The following ATP13A5 variants were observed in gnomAD, a reference collection of about 807,000 sequenced individuals.
ATP13A5 encodes probable cation-transporting ATPase 13A5.
A neutral mutation model predicts 150.2 loss-of-function variants in ATP13A5; 149 were observed. The observed-to-expected ratio is 0.99, with a 90% confidence interval of 0.87 to 1.14. The LOEUF is 1.14. ATP13A5 is among the 50% of genes most tolerant of loss of function. The probability of loss-of-function intolerance (pLI) is 0.00; values close to 1 mark genes in which losing one functional copy is unlikely to be tolerated. For synonymous variants in ATP13A5, 497 were observed against 522.2 expected (o/e 0.95, Z 0.66); for missense variants, 1,383 against 1,449.3 (o/e 0.95, Z 0.74).
intron 25 of ATP13A5, among the ~76,000 whole-genome samples, chr3:193,295,442 T>G (rs1467219959): frequency 1.3e-5 from 2 of 152,138 alleles, no homozygotes; most frequent in Non-Finnish European, 2.9e-5. Context: ...AGCCATCTCT[T>G]CTTCCTCTGG....
chr3:193,307,455 T>G (rs1718662630), intron 21 of ATP13A5, 86 bp from the exon 22 acceptor site: 2 of 1,512,114 alleles, frequency 1.3e-6, no homozygotes, highest in Admixed American at 1.8e-5. Flanking sequence ...AAGTCACATG[T>G]GATTTGTGTG....
rs1186191583 is a variant in ATP13A5, at chr3:193,305,636, T to A, written c.2601A>T (p.Leu867Phe). 1 of 1,613,964 alleles carries A rather than the reference T, an allele frequency of 6.2e-7. No homozygotes were observed. Among genetic ancestry groups the A allele is most frequent in the Non-Finnish European group, 8.5e-7 (1 of 1,179,894 alleles). Reference sequence around the variant, plus strand: ...ATGCCACAGATGCTTCCTGCTCTGATAATGAAATGCCTGCATGAGCCGCTT... The same window carrying A: ...ATGCCACAGATGCTTCCTGCTCTGAAAATGAAATGCCTGCATGAGCCGCTT... ...ALKAAHAGIS[L>F]SEQEASVASP... Residue 867 changes from leucine to phenylalanine, a missense_variant, in exon 23 of 30, where the codon TTA becomes TTT. Coordinates refer to ENST00000342358, the MANE Select transcript of ATP13A5 (RefSeq NM_198505.4).
At chr3:193,276,488 G>T (rs774730791) in intron 29 of ATP13A5, among the ~76,000 whole-genome samples, 1 of 152,156 alleles carries the variant, frequency 6.6e-6, no homozygotes, top group Non-Finnish European at 1.5e-5. Flanking sequence ...GCAATACAGT[G>T]CATTCATGGA....
At chr3:193,299,014 A>AT in intron 25 of ATP13A5, 117 bp downstream of exon 25, 1 of 759,458 alleles carries the variant, frequency 1.3e-6, no homozygotes, top group Non-Finnish European at 2.1e-6. Flanking sequence ...AAAATTGTAA[A>AT]TAATGAGGTT....
chr3:193,299,444 C>T (rs1718314074), intron 24 of ATP13A5, among the ~76,000 whole-genome samples: 1 of 152,154 alleles, frequency 6.6e-6, no homozygotes, highest in Non-Finnish European at 1.5e-5. Flanking sequence ...GAGAACCACC[C>T]TCCTATTGGG....
intron 20 of ATP13A5, among the ~76,000 whole-genome samples, 196 bp downstream of exon 20, chr3:193,311,620 G>A (rs1409509354): frequency 1.3e-5 from 2 of 152,128 alleles, no homozygotes; most frequent in Non-Finnish European, 2.9e-5. Flanking sequence ...ACTCTGAACG[G>A]GAGGCCGTGG....
At chr3:193,357,084 G>C (rs1263515612) in intron 5 of ATP13A5, among the ~76,000 whole-genome samples, 1 of 152,172 alleles carries the variant, frequency 6.6e-6, no homozygotes, top group Non-Finnish European at 1.5e-5. Flanking sequence ...AAAATGCTGG[G>C]ATTACAGGCA....
chr3:193,335,847 A>T (rs1711837281), intron 9 of ATP13A5, among the ~76,000 whole-genome samples: 3 of 152,194 alleles, frequency 2.0e-5, no homozygotes, highest in Admixed American at 6.5e-5. Flanking sequence ...ATTTCCTTTT[A>T]TTGGCCCCCA....
chr3:193,334,773 A>G lies in ATP13A5; in HGVS notation c.1114+156T>C, dbSNP rs6782509. ...TTACCAATAAACCATTTAATTAAAA[A>G]TAGTGACACTTTAGAATAATAAGTG... On this transcript the variant is annotated intron_variant, in intron 10 of 29. Transcript: ENST00000342358. Among the ~76,000 whole-genome samples the G allele has an allele frequency of 8.8e-3, 1,334 of 152,342 alleles. 18 individuals carry two copies. Among genetic ancestry groups the G allele is most frequent in the African/African-American group, 0.03 (1,249 of 41,566 alleles).
At chr3:193,314,260 T>TCC (rs1718964158) in intron 18 of ATP13A5, 67 bp from the exon 19 acceptor site, 15 of 1,514,080 alleles carry the variant, frequency 9.9e-6, no homozygotes, top group Middle Eastern at 1.8e-4. Flanking sequence ...AACTGAGGTC[T>TCC]CCCTTTTCCA....
At position 193,362,803 on chromosome 3, in the gene ATP13A5, T is replaced by TTCTC. The variant is rs1560151102; in HGVS notation, c.385-167_385-166insGAGA. ...TTTCTTTCTTTCTTTCTTTCTTTCT[T>TTCTC]TCTTTCTTTCAGACAGGGTCTCACT... is the stretch of plus-strand genomic sequence containing the variant. On this transcript the variant is annotated intron_variant, in intron 3 of 29. Transcript: ENST00000342358. Among the ~76,000 whole-genome samples the TTCTC allele has an allele frequency of 9.6e-5, 5 of 52,288 alleles. 1 individual carries two copies. The highest frequency in any genetic ancestry group is 2.1e-4 in the African/African-American group (4 of 19,304). 34.3% of individuals were successfully genotyped at this position (52,288 alleles called of 152,430 possible).
chr3:193,319,194 G>T, intron 16 of ATP13A5, 86 bp from the exon 17 acceptor site: 1 of 944,840 alleles, frequency 1.1e-6, no homozygotes, highest in Non-Finnish European at 1.6e-6. Flanking sequence ...ATTGTACCTT[G>T]TCTTAACTTT....
At chr3:193,362,692 G>A (rs1713063910) in intron 3 of ATP13A5, 55 bp from the exon 4 acceptor site, 2 of 1,530,116 alleles carry the variant, frequency 1.3e-6, no homozygotes, top group African/African-American at 1.4e-5. Context: ...AGCTCACTGG[G>A]AGAGGGAGTG....
At chr3:193,356,902 G>A (rs1023348980) in intron 5 of ATP13A5, among the ~76,000 whole-genome samples, 20 of 151,684 alleles carry the variant, frequency 1.3e-4, no homozygotes, top group Admixed American at 1.1e-3. Flanking sequence ...TTCAACTTCC[G>A]CCTCCCAGTT....
intron 25 of ATP13A5, among the ~76,000 whole-genome samples, chr3:193,294,712 T>C (rs1718093761): frequency 6.6e-6 from 1 of 152,142 alleles, no homozygotes; most frequent in African/African-American, 2.4e-5. Flanking sequence ...TACTCTTTGA[T>C]TTACAATGGG....
At chr3:193,302,353 A>T (rs116687030) in intron 23 of ATP13A5, among the ~76,000 whole-genome samples, 2,127 of 152,206 alleles carry the variant, frequency 0.014, 34 homozygotes, top group Middle Eastern at 0.031. Context: ...AACACTGAGG[A>T]TGGAGCAGAA....
At chr3:193,296,995 GAA>G (rs1249044378) in intron 25 of ATP13A5, among the ~76,000 whole-genome samples, 1 of 152,078 alleles carries the variant, frequency 6.6e-6, no homozygotes. Flanking sequence ...GCATCAGGAA[GAA>G]TAGCTAATGG....
intron 7 of ATP13A5, among the ~76,000 whole-genome samples, chr3:193,347,518 A>G (rs1032192728): frequency 1.3e-5 from 1 of 75,742 alleles, no homozygotes; most frequent in Non-Finnish European, 2.4e-5. Flanking sequence ...ATCCTTCCTT[A>G]GATTTCTTTT....
At chr3:193,367,174 G>C (rs1713267658) in intron 1 of ATP13A5, among the ~76,000 whole-genome samples, 1 of 151,800 alleles carries the variant, frequency 6.6e-6, no homozygotes, top group Non-Finnish European at 1.5e-5. Context: ...CCCCAAAAAA[G>C]TAAGGAAAAG....
Sources: allele counts gnomAD v4.1 joint callset (sites outside exome capture counted in the v4.1 genomes callset), GRCh38; gene constraint gnomAD v4.1.1; transcripts MANE v1.5; gene names NCBI Gene and HGNC (gene_info 2026-07-23, HGNC 2026-07-21).